NLRP10: variants seen among roughly 807,000 people sequenced by gnomAD.
NLRP10 encodes the protein NACHT, LRR and PYD domains-containing protein 10.
Under a neutral mutation model 8.2 loss-of-function variants are expected in NLRP10, and 7 were observed. The observed-to-expected ratio is 0.85, with a 90% CI of 0.48 to 1.60. The LOEUF (loss-of-function observed/expected upper bound fraction) is 1.60, where lower values mean the gene tolerates loss of function less well. Ranked by LOEUF, NLRP10 falls within the 40% of genes most tolerant of loss-of-function variation. The probability of loss-of-function intolerance (pLI) is 0.00; values close to 1 mark genes in which losing one functional copy is unlikely to be tolerated. For synonymous variants in NLRP10, 338 were observed against 314.0 expected, an observed-to-expected ratio of 1.08 and a Z score of -0.81; for missense variants, 814 against 776.3, an observed-to-expected ratio of 1.05 and a Z score of -0.58.
intron 2 of NLRP10, 101 bp from the exon 3 acceptor site, chr11:7,961,423 C>G: frequency 1.3e-6 from 1 of 758,216 alleles, no homozygotes. Flanking sequence ...TTGTATGTCT[C>G]CAACTTGGAT....
At chr11:7,961,724 G>C (rs1941734926) in intron 2 of NLRP10, among the ~76,000 whole-genome samples, 1 of 152,180 alleles carries the variant, frequency 6.6e-6, no homozygotes, top group South Asian at 2.1e-4. Context: ...GTGTTCATGT[G>C]AAATGTCTCC....
Position 7,958,948 on chromosome 11 carries a change from G to C in NLRP10, c.*696C>G, listed in dbSNP as rs181047176. Among the ~76,000 whole-genome samples, 557 of 152,022 alleles carry C rather than the reference G, an allele frequency of 3.7e-3. 5 individuals are homozygous for C. The highest frequency in any genetic ancestry group is 0.013 in the African/African-American group (521 of 41,424). ...GGCTTATCTTTTCATTCTCTTAACA[G>C]TGTCTTTCACAGAGCATAAGTTTTT... On this transcript the variant is annotated 3_prime_UTR_variant, in exon 3 of 3. Coordinates refer to ENST00000691676, the MANE Select transcript of NLRP10 (RefSeq NM_001391958.1).
Position 7,963,523 on chromosome 11 carries a change from G to C in NLRP10, c.-28C>G. On this transcript the variant is annotated 5_prime_UTR_variant, in exon 2 of 3. Coordinates refer to ENST00000691676, the MANE Select transcript of NLRP10 (RefSeq NM_001391958.1). The stretch of plus-strand genomic sequence containing the variant: ...TGATCTGGGGGAAGGATCAAGTCCA[G>C]ACCAGAAGACCAGTGACCTGGAGAA... 6.3e-7 allele frequency: 1 copy of C among 1,578,030 alleles called. No individual in the cohort carries two copies. The highest frequency in any genetic ancestry group is 8.6e-7 in the Non-Finnish European group (1 of 1,161,370).
chr11:7,961,297 A>T lies in NLRP10; in HGVS notation c.315T>A (p.His105Gln). 6.3e-7 allele frequency: 1 copy of T among 1,588,306 alleles called. No individual in the cohort carries two copies. Among genetic ancestry groups the T allele is most frequent in the Non-Finnish European group, 8.6e-7 (1 of 1,165,334 alleles). The part of the protein sequence containing the change: ...LHDYREVYRE[H>Q]VRCLEEWQEA... ...CCTGCCATTCCTCTAGGCAGCGCACATGCTCTCGGTATACTTCTCTGTAAT... is the reference window on the plus strand; with the variant it reads ...CCTGCCATTCCTCTAGGCAGCGCACTTGCTCTCGGTATACTTCTCTGTAAT... Residue 105 changes from histidine to glutamine, a missense_variant, in exon 3 of 3, where the codon CAT becomes CAA. His to Gln is a conservative substitution (Grantham distance 24, BLOSUM62 0). Transcript: ENST00000691676.
At chr11:7,964,341 A>G (rs934409456) in intron 1 of NLRP10, among the ~76,000 whole-genome samples, 11 of 152,206 alleles carry the variant, frequency 7.2e-5, no homozygotes, top group African/African-American at 2.7e-4. Context: ...CACTCAACCC[A>G]TTGGCCTCAC....
intron 1 of NLRP10, 137 bp from the exon 2 acceptor site, chr11:7,963,677 A>G (rs1941771776): frequency 3.4e-6 from 2 of 591,168 alleles, no homozygotes; most frequent in Non-Finnish European, 5.9e-6. Flanking sequence ...AAGCAGATGA[A>G]ACGCAGGGGA....
chr11:7,963,814 GTCTC>G (rs1037021177), intron 1 of NLRP10, among the ~76,000 whole-genome samples: 1 of 136,380 alleles, frequency 7.3e-6, no homozygotes, highest in African/African-American at 2.8e-5. Context: ...CTCTATCTCT[GTCTC>G]TCTCTCTCCC....
intron 1 of NLRP10, 56 bp from the exon 2 acceptor site, chr11:7,963,596 G>C (rs1941770228): frequency 8.9e-7 from 1 of 1,121,616 alleles, no homozygotes; most frequent in Admixed American, 2.6e-5. Flanking sequence ...CCTGCTTTCT[G>C]GGGGCTTGGC....
At position 7,959,059 on chromosome 11, in the gene NLRP10, A is replaced by G. The variant is rs73412945; in HGVS notation, c.*585T>C. On this transcript the variant is annotated 3_prime_UTR_variant, in exon 3 of 3. Coordinates refer to ENST00000691676, the MANE Select transcript of NLRP10 (RefSeq NM_001391958.1). ...AAAAGTCATCGCCAAACCCAAGGTC[A>G]CCTAGATTTTCTCCTATATTATCTT... Among the ~76,000 whole-genome samples, 21,061 of 152,080 alleles carry G rather than the reference A, an allele frequency of 0.14. 1,889 individuals carry two copies. The highest frequency in any genetic ancestry group is 0.21 in the Middle Eastern group (62 of 294).
At chr11:7,961,415 G>A (rs1941728222) in intron 2 of NLRP10, 93 bp from the exon 3 acceptor site, 1 of 800,852 alleles carries the variant, frequency 1.2e-6, no homozygotes, top group Non-Finnish European at 2.0e-6. Flanking sequence ...TAGTCTTCTT[G>A]TATGTCTCCA....
chr11:7,962,328 C>T lies in NLRP10; in HGVS notation c.289+879G>A, dbSNP rs541034556. On this transcript the variant is annotated intron_variant, in intron 2 of 2. Transcript: ENST00000691676. ...TCGACTCACTGCAAGCTCCGCCTCC[C>T]GGGTTCACGCCATTCTCCTGCCTCA... is the stretch of plus-strand genomic sequence containing the variant. Among the ~76,000 whole-genome samples, 217 of 144,472 alleles carry T rather than the reference C, an allele frequency of 1.5e-3. 1 individual carries two copies. The highest frequency in any genetic ancestry group is 5.0e-3 in the African/African-American group (196 of 39,542). 94.8% of individuals were successfully genotyped at this position (144,472 alleles called of 152,430 possible).
At chr11:7,962,992 C>G (rs896842070) in intron 2 of NLRP10, among the ~76,000 whole-genome samples, 23 of 152,200 alleles carry the variant, frequency 1.5e-4, no homozygotes, top group African/African-American at 5.5e-4. Context: ...AAAGGCTAGT[C>G]TTTTCTTAAA....
intron 1 of NLRP10, 151 bp from the exon 2 acceptor site, chr11:7,963,691 T>C (rs1941772172): frequency 1.7e-6 from 1 of 584,194 alleles, no homozygotes; most frequent in Non-Finnish European, 3.0e-6. Context: ...CAGGGGAATT[T>C]TCCTAGTCAT....
In NLRP10 at chr11:7,959,776, A is replaced by T. The variant is rs112855729; in HGVS notation, c.1836T>A (p.Pro612=). The stretch of plus-strand genomic sequence containing the variant: ...CAGAAGGACATTTTTGCTCCTCCTT[A>T]GGTCCATGACTCAAGCTGCTTTTGA... The part of the protein sequence containing the change: ...FSVKSSLSHG[P]KEEQKCPSVH... Residue 612 remains proline, a synonymous_variant, in exon 3 of 3, where the codon CCT becomes CCA. Transcript: ENST00000691676. The T allele has an allele frequency of 8.0e-4, 1,292 of 1,613,592 alleles. 9 individuals carry two copies. The African/African-American group carries it at 0.015, about 19-fold the overall frequency.
At chr11:7,962,231 C>CTTTTTTTGTTTTTTTTTTTTTTTT (rs1941743994) in intron 2 of NLRP10, among the ~76,000 whole-genome samples, 1 of 66,994 alleles carries the variant, frequency 1.5e-5, no homozygotes, top group African/African-American at 5.6e-5. Context: ...TAAGCCTGTT[C>CTTTTTTTGTTTTTTTTTTTTTTTT]TTTTTTTTTT....
In NLRP10 at chr11:7,960,393, G is replaced by C; in HGVS notation, c.1219C>G (p.His407Asp). 6.2e-7 allele frequency: 1 copy of C among 1,614,034 alleles called. No homozygotes were observed. The highest frequency in any genetic ancestry group is 8.5e-7 in the Non-Finnish European group (1 of 1,180,026). ...DDGGCSELSR[H>D]RVLRSLCSLA... The stretch of plus-strand genomic sequence containing the variant: ...GAGCACAGACTCCTCAGGACCCTGT[G>C]CCGGGAAAGCTCGGAGCAGCCCCCA... Residue 407 changes from histidine to aspartate, a missense_variant, in exon 3 of 3, where the codon CAC becomes GAC. By Grantham distance (81) the His-to-Asp change is moderately conservative. Coordinates refer to ENST00000691676, the MANE Select transcript of NLRP10 (RefSeq NM_001391958.1).
At position 7,961,128 on chromosome 11, in the gene NLRP10, GC is replaced by G. The variant is rs747803351; in HGVS notation, c.483del (p.Lys161AsnfsTer8). 1.9e-6 allele frequency: 3 copies of G among 1,614,104 alleles called. No homozygotes were observed. Among genetic ancestry groups the G allele is most frequent in the Non-Finnish European group, 2.5e-6 (3 of 1,180,010 alleles). On this transcript the variant is annotated frameshift_variant, in exon 3 of 3. Coordinates refer to ENST00000691676, the MANE Select transcript of NLRP10 (RefSeq NM_001391958.1). LOFTEE classifies it low-confidence loss of function (END_TRUNC). ...TVEALFDSGE[K>X]PSLAPSLVVL... is the part of the protein sequence containing the mutation. ...ACAACTAAGGATGGGGCCAGTGAGGGCTTTTCCCCTGAATCAAATAGAGCCT... is the reference window on the plus strand; with the variant it reads ...ACAACTAAGGATGGGGCCAGTGAGGGTTTTCCCCTGAATCAAATAGAGCCT...
At position 7,963,765 on chromosome 11, in the gene NLRP10, G is replaced by C. The variant is rs1278621658; in HGVS notation, c.-45-225C>G. On this transcript the variant is annotated intron_variant, in intron 1 of 2. Transcript: ENST00000691676. Reference sequence around the variant, plus strand: ...TGGCAAATGGGTAGGAAGGTATGTAGGTGTGTTAATCTCTCAATCTCTCTC... The same window carrying C: ...TGGCAAATGGGTAGGAAGGTATGTACGTGTGTTAATCTCTCAATCTCTCTC... 6.1e-6 allele frequency: 3 copies of C among 489,406 alleles called. No homozygotes were observed. In the South Asian group the frequency reaches 1.1e-4, roughly 18 times the overall value. The allele number at this position is 489,406 out of a possible 1,614,324, so 30.3% of individuals were successfully genotyped here. A position where few individuals can be genotyped will look rare whatever the true frequency, so the allele number is the denominator to read the frequency against.
chr11:7,959,432 C>G lies in NLRP10; in HGVS notation c.*212G>C, dbSNP rs1442579766. 2.1e-6 allele frequency: 1 copy of G among 479,954 alleles called. No individual in the cohort carries two copies. The highest frequency in any genetic ancestry group is 2.0e-5 in the African/African-American group (1 of 49,588). The allele number at this position is 479,954 out of a possible 1,614,324, so 29.7% of individuals were successfully genotyped here. On this transcript the variant is annotated 3_prime_UTR_variant, in exon 3 of 3. Transcript: ENST00000691676. ...CTTTGCACATAAACATTAGAATCAT[C>G]TTATCAATGTCCACAAAGTTATTTG...
Sources: allele counts gnomAD v4.1 joint callset (sites outside exome capture counted in the v4.1 genomes callset), GRCh38; gene constraint gnomAD v4.1.1; transcripts MANE v1.5; gene names NCBI Gene and HGNC (gene_info 2026-07-23, HGNC 2026-07-21).